PTPRT: variants seen among roughly 807,000 people sequenced by gnomAD.
PTPRT encodes receptor-type tyrosine-protein phosphatase T.
A neutral mutation model predicts 176.8 loss-of-function variants in PTPRT; 56 were observed. The ratio of observed to expected loss-of-function variants is 0.32; its 90% CI spans 0.26 to 0.40. The LOEUF (loss-of-function observed/expected upper bound fraction) is 0.40. Among genes scored for constraint, PTPRT ranks in the 10% least tolerant of loss-of-function variants. The pLI, the probability that PTPRT is intolerant of heterozygous loss-of-function variation, is 1.00. For missense variants in PTPRT, 1,540 were observed against 1,908.2 expected, an observed-to-expected ratio of 0.81 and a Z score of 3.60; for synonymous variants, 783 against 739.0, an observed-to-expected ratio of 1.06 and a Z score of -0.96.
intron 6 of PTPRT, among the ~76,000 whole-genome samples, chr20:42,705,025 G>A (rs1428675157): frequency 6.6e-6 from 1 of 152,008 alleles, no homozygotes; most frequent in Non-Finnish European, 1.5e-5. Flanking sequence ...GACCAACATG[G>A]AGAAACCCCA....
At chr20:42,558,446 T>A (rs547293945) in intron 7 of PTPRT, among the ~76,000 whole-genome samples, 1 of 152,308 alleles carries the variant, frequency 6.6e-6, no homozygotes, top group South Asian at 2.1e-4. Flanking sequence ...TGTATGTGTG[T>A]TTATAATACA....
At chr20:42,344,577 G>T (rs560093248) in intron 11 of PTPRT, among the ~76,000 whole-genome samples, 1 of 152,200 alleles carries the variant, frequency 6.6e-6, no homozygotes, top group African/African-American at 2.4e-5. Context: ...GAAGGAGCTG[G>T]TGCATTCTGC....
chr20:42,339,041 A>T (rs6102785), intron 11 of PTPRT, among the ~76,000 whole-genome samples: 2,131 of 152,240 alleles, frequency 0.014, 43 homozygotes, highest in African/African-American at 0.049. Flanking sequence ...GCATTTTGGC[A>T]CTCAATATAT....
At chr20:43,002,632 C>G (rs1198294364) in intron 1 of PTPRT, among the ~76,000 whole-genome samples, 1 of 151,772 alleles carries the variant, frequency 6.6e-6, no homozygotes, top group East Asian at 1.9e-4. Flanking sequence ...ATTTTTGGGT[C>G]AAAAATAAAA....
the PTPRT span, among the ~76,000 whole-genome samples, chr20:42,032,837 C>G: frequency 1.3e-5 from 2 of 152,092 alleles, no homozygotes; most frequent in East Asian, 3.9e-4. Context: ...TCCTACACCC[C>G]CAGAGAATGG....
chr20:43,038,048 G>A (rs1351771571), intron 1 of PTPRT, among the ~76,000 whole-genome samples: 2 of 151,846 alleles, frequency 1.3e-5, no homozygotes, highest in Non-Finnish European at 2.9e-5. Context: ...CACCTGACCT[G>A]AGCCTATTTA....
chr20:43,165,209 A>G (rs2014824119), intron 1 of PTPRT, among the ~76,000 whole-genome samples: 1 of 144,288 alleles, frequency 6.9e-6, no homozygotes, highest in Admixed American at 7.1e-5. Context: ...CCCAGGCTGG[A>G]GTGCAATGGC....
chr20:42,904,731 A>G (rs1431115553), intron 1 of PTPRT, among the ~76,000 whole-genome samples: 1 of 152,092 alleles, frequency 6.6e-6, no homozygotes, highest in African/African-American at 2.4e-5. Context: ...TCCTGTGCCT[A>G]TAAAAACCCC....
At chr20:42,289,514 C>CA (rs1400529602) in intron 12 of PTPRT, among the ~76,000 whole-genome samples, 2 of 151,790 alleles carry the variant, frequency 1.3e-5, no homozygotes, top group Non-Finnish European at 2.9e-5. Context: ...TATAAGTGGC[C>CA]AACAAACATG....
chr20:42,065,027 A>G, the PTPRT span, among the ~76,000 whole-genome samples: 1 of 152,182 alleles, frequency 6.6e-6, no homozygotes, highest in Non-Finnish European at 1.5e-5. Flanking sequence ...TTTAATTGAC[A>G]GCTCCACTGA....
intron 1 of PTPRT, among the ~76,000 whole-genome samples, chr20:43,020,308 T>C (rs1451845147): frequency 6.6e-6 from 1 of 151,176 alleles, no homozygotes; most frequent in African/African-American, 2.4e-5. Context: ...AAGAAAAAAA[T>C]GTAGAACAAA....
intron 6 of PTPRT, among the ~76,000 whole-genome samples, chr20:42,708,895 C>A (rs144624104): frequency 6.6e-6 from 1 of 152,168 alleles, no homozygotes; most frequent in Non-Finnish European, 1.5e-5. Context: ...TTGGCATTAA[C>A]GAGCAGAATT....
chr20:42,611,921 G>T (rs1469043687), intron 7 of PTPRT, among the ~76,000 whole-genome samples: 1 of 152,092 alleles, frequency 6.6e-6, no homozygotes, highest in Non-Finnish European at 1.5e-5. Context: ...TGGCTTCAGG[G>T]ATCTCCCACA....
chr20:42,461,636 A>G (rs1027212644), intron 8 of PTPRT, among the ~76,000 whole-genome samples: 29 of 152,250 alleles, frequency 1.9e-4, no homozygotes, highest in African/African-American at 6.8e-4. Flanking sequence ...GGAGGATTTA[A>G]CAACCAGCTG....
intron 7 of PTPRT, among the ~76,000 whole-genome samples, chr20:42,649,885 G>T: frequency 6.6e-6 from 1 of 152,144 alleles, no homozygotes; most frequent in East Asian, 1.9e-4. Flanking sequence ...TGCAGGCAAG[G>T]CTTACTTGCC....
At position 42,716,786 on chromosome 20, in the gene PTPRT, C is replaced by T. The variant is rs184008156; in HGVS notation, c.860-38627G>A. On this transcript the variant is annotated intron_variant, in intron 6 of 30. Coordinates refer to ENST00000373187, the MANE Select transcript of PTPRT (RefSeq NM_007050.6). ...CAATAGCAAAGACTTGGAACCAACC[C>T]AAATGTCCAACAATGATGGACTGGA... Among the ~76,000 whole-genome samples, 681 of 152,162 alleles carry T rather than the reference C, an allele frequency of 4.5e-3. 7 individuals carry two copies. Among genetic ancestry groups the T allele is most frequent in the African/African-American group, 0.016 (662 of 41,492 alleles).
intron 1 of PTPRT, among the ~76,000 whole-genome samples, chr20:42,988,538 T>C (rs1179084020): frequency 6.6e-6 from 1 of 152,102 alleles, no homozygotes; most frequent in Non-Finnish European, 1.5e-5. Context: ...AGCAGCTCGG[T>C]CATACAACAC....
intron 6 of PTPRT, among the ~76,000 whole-genome samples, chr20:42,721,587 T>G (rs954491663): frequency 1.3e-5 from 2 of 152,140 alleles, no homozygotes; most frequent in Admixed American, 6.5e-5. Context: ...AGAAGCAGGT[T>G]AGGGGAAGAG....
intron 6 of PTPRT, among the ~76,000 whole-genome samples, chr20:42,689,701 G>A (rs889344682): frequency 6.6e-6 from 1 of 152,164 alleles, no homozygotes; most frequent in Non-Finnish European, 1.5e-5. Flanking sequence ...TCCTGGATAT[G>A]TAGTATCCTG....
Sources: gnomAD v4.1 joint callset for allele counts (sites outside exome capture counted in the v4.1 genomes callset) on GRCh38, gnomAD v4.1.1 for gene constraint, MANE v1.5 for transcripts, NCBI Gene and HGNC (gene_info 2026-07-23, HGNC 2026-07-21) for gene names.